TPTE: variants seen among roughly 807,000 people sequenced by gnomAD.
TPTE encodes the protein putative tyrosine-protein phosphatase TPTE.
In TPTE, 59 loss-of-function variants were observed where a neutral mutation model predicts 84.1. That is an observed-to-expected ratio of 0.70 (90% CI 0.57 to 0.87). The LOEUF (loss-of-function observed/expected upper bound fraction) is 0.87, where lower values mean the gene tolerates loss of function less well. Among genes scored for constraint, TPTE ranks in the 40% least tolerant of loss-of-function variants. The pLI is 0.00. For missense variants in TPTE, 382 were observed against 659.6 expected (o/e 0.58, Z 4.61); for synonymous variants, 130 against 223.5 (o/e 0.58, Z 3.73).
chr21:10,551,454 G>A (rs1347485345), intron 7 of TPTE, among the ~76,000 whole-genome samples: 4 of 152,244 alleles, frequency 2.6e-5, no homozygotes, highest in African/African-American at 9.6e-5. Flanking sequence ...TATATTTTTA[G>A]CAATAAATGC....
chr21:10,533,060 C>A (rs543969972), intron 3 of TPTE, among the ~76,000 whole-genome samples: 2 of 152,416 alleles, frequency 1.3e-5, no homozygotes, highest in South Asian at 2.1e-4. Context: ...TTTTAGTTTT[C>A]ATTTCTTCTT....
intron 8 of TPTE, among the ~76,000 whole-genome samples, chr21:10,555,263 A>G (rs117705336): frequency 0.091 from 13,476 of 147,328 alleles, 6 homozygotes; most frequent in African/African-American, 0.22. Flanking sequence ...GCTGGAGTGC[A>G]GTGGCTCCAC....
At chr21:10,574,830 G>A (rs1296641202) in intron 14 of TPTE, among the ~76,000 whole-genome samples, 1 of 152,310 alleles carries the variant, frequency 6.6e-6, no homozygotes, top group Non-Finnish European at 1.5e-5. Flanking sequence ...CACCAGGGCT[G>A]TGGATCTGAT....
In TPTE at chr21:10,603,633, G is replaced by A. The variant is rs770628424; in HGVS notation, c.1520+1G>A. On this transcript the variant is annotated splice_donor_variant, in intron 23 of 23. Coordinates refer to ENST00000618007, the MANE Select transcript of TPTE (RefSeq NM_199261.4). LOFTEE classifies it high-confidence loss of function. ...ACACATCTTTTATTGAAAATAACAGGTATGAATATAATAGAAACCCATAGA... is the reference window on the plus strand; with the variant it reads ...ACACATCTTTTATTGAAAATAACAGATATGAATATAATAGAAACCCATAGA... The A allele has an allele frequency of 1.2e-6, 2 of 1,611,398 alleles. No homozygotes were observed. The highest frequency in any genetic ancestry group is 1.7e-6 in the Non-Finnish European group (2 of 1,177,942).
chr21:10,537,311 A>C (rs1227693905), intron 3 of TPTE, among the ~76,000 whole-genome samples: 1 of 152,308 alleles, frequency 6.6e-6, no homozygotes, highest in Non-Finnish European at 1.5e-5. Flanking sequence ...ATATATATTT[A>C]AATTCTGTAG....
chr21:10,575,782 C>A (rs565642432), intron 14 of TPTE, among the ~76,000 whole-genome samples: 31 of 152,342 alleles, frequency 2.0e-4, no homozygotes, highest in African/African-American at 6.0e-4. Flanking sequence ...AGGATCTGAA[C>A]AGACACTTCC....
At chr21:10,578,103 A>C (rs1243059490) in intron 15 of TPTE, among the ~76,000 whole-genome samples, 1 of 152,310 alleles carries the variant, frequency 6.6e-6, no homozygotes, top group South Asian at 2.1e-4. Context: ...AAAGTTAAAA[A>C]TTATACCTAT....
chr21:10,584,025 G>T lies in TPTE; in HGVS notation c.1027+5420G>T, dbSNP rs896561319. ...CAACTAGTCAAATTACAAACACTGG[G>T]TAGAAATTTGTTTGGAATTGCATTG... On this transcript the variant is annotated intron_variant, in intron 17 of 23. Transcript: ENST00000618007. Among the ~76,000 whole-genome samples, 6 of 152,426 alleles carry T rather than the reference G, an allele frequency of 3.9e-5. No homozygotes were observed. In the South Asian group the frequency reaches 6.2e-4, roughly 16 times the overall value.
intron 7 of TPTE, among the ~76,000 whole-genome samples, chr21:10,547,903 A>C (rs2074498504): frequency 6.6e-6 from 1 of 152,310 alleles, no homozygotes; most frequent in African/African-American, 2.4e-5. Flanking sequence ...AAACCACTAC[A>C]TGCCCTCTCC....
intron 17 of TPTE, among the ~76,000 whole-genome samples, chr21:10,585,849 A>G (rs1248190953): frequency 6.6e-6 from 1 of 152,306 alleles, no homozygotes; most frequent in African/African-American, 2.4e-5. Context: ...CATTTAATCT[A>G]ACTTTGCAAA....
chr21:10,541,809 G>A (rs1206821546), intron 5 of TPTE, among the ~76,000 whole-genome samples: 2 of 152,312 alleles, frequency 1.3e-5, no homozygotes, highest in African/African-American at 4.8e-5. Context: ...GAGTGAGGAG[G>A]AGGTAGGAGT....
At chr21:10,588,431 G>A (rs1490659128) in intron 17 of TPTE, among the ~76,000 whole-genome samples, 3 of 152,308 alleles carry the variant, frequency 2.0e-5, no homozygotes, top group South Asian at 2.1e-4. Flanking sequence ...TTTTTCTCCA[G>A]TGCCTTTAGG....
At chr21:10,573,027 A>C (rs1385122564) in intron 14 of TPTE, among the ~76,000 whole-genome samples, 5 of 152,420 alleles carry the variant, frequency 3.3e-5, no homozygotes, top group African/African-American at 1.2e-4. Flanking sequence ...TCAAATTCCC[A>C]ATTAAAAGAT....
At chr21:10,536,418 T>C (rs916702283) in intron 3 of TPTE, among the ~76,000 whole-genome samples, 1 of 152,308 alleles carries the variant, frequency 6.6e-6, no homozygotes, top group African/African-American at 2.4e-5. Flanking sequence ...TATCTACTTT[T>C]ATATTCCTTT....
intron 21 of TPTE, among the ~76,000 whole-genome samples, chr21:10,601,661 T>G (rs1978531855): frequency 6.6e-6 from 1 of 152,424 alleles, no homozygotes; most frequent in Non-Finnish European, 1.5e-5. Context: ...GAGACCAGCC[T>G]GCCTAATATA....
chr21:10,573,521 G>T (rs2075087912), intron 14 of TPTE, among the ~76,000 whole-genome samples: 1 of 152,312 alleles, frequency 6.6e-6, no homozygotes, highest in Non-Finnish European at 1.5e-5. Context: ...GCTGTAGGGT[G>T]ACTACAGTTA....
At chr21:10,589,573 G>T (rs2075427329) in intron 17 of TPTE, among the ~76,000 whole-genome samples, 1 of 152,312 alleles carries the variant, frequency 6.6e-6, no homozygotes, top group African/African-American at 2.4e-5. Flanking sequence ...GAAAATGCCG[G>T]CAGCGTTTCC....
At position 10,552,699 on chromosome 21, in the gene TPTE, A is replaced by G. The variant is rs1388868897; in HGVS notation, c.216A>G (p.Glu72=). ...RLSKFEVEDA[E]NVASYDSKIK... ...CCAAGTTTGAAGTTGAAGATGCTGAAAATGTTGCTTCATATGAGTAAGTCA... is the reference window on the plus strand; with the variant it reads ...CCAAGTTTGAAGTTGAAGATGCTGAGAATGTTGCTTCATATGAGTAAGTCA... The change falls in exon 8 of 24, where the codon GAA becomes GAG. Residue 72 remains glutamate (E), a synonymous_variant. Transcript: ENST00000618007. The G allele has an allele frequency of 6.2e-7, 1 of 1,613,894 alleles. No homozygotes were observed. Among genetic ancestry groups the G allele is most frequent in the Non-Finnish European group, 8.5e-7 (1 of 1,179,804 alleles).
Position 10,590,513 on chromosome 21 carries a change from C to T in TPTE, c.1079C>T (p.Ser360Leu). Reference sequence around the variant, plus strand: ...TTCCTTATTGCCTCTGAAATATGTTCAACTGCAAAGGTATGAAAGATGTTC... The same window carrying T: ...TTCCTTATTGCCTCTGAAATATGTTTAACTGCAAAGGTATGAAAGATGTTC... ...CAFLIASEIC[S>L]TAKESLYYFG... The change falls in exon 18 of 24, where the codon TCA becomes TTA. Residue 360 changes from serine (S) to leucine (L), a missense_variant. Around this residue, in one of 10 missense-constraint regions of TPTE, gnomAD observed 37 missense variants for 28.3 expected, o/e 1.31. Coordinates refer to ENST00000618007, the MANE Select transcript of TPTE (RefSeq NM_199261.4). 1 of 1,614,082 alleles carries T rather than the reference C, an allele frequency of 6.2e-7. No homozygotes were observed. Among genetic ancestry groups the T allele is most frequent in the Non-Finnish European group, 8.5e-7 (1 of 1,179,914 alleles).
Sources: allele counts gnomAD v4.1 joint callset (sites outside exome capture counted in the v4.1 genomes callset), GRCh38; gene constraint gnomAD v4.1.1; regional missense constraint gnomAD v4.1.1; transcripts MANE v1.5; gene names NCBI Gene and HGNC (gene_info 2026-07-23, HGNC 2026-07-21).